ME1: variants seen among roughly 807,000 people sequenced by gnomAD.
ME1 encodes NADP-dependent malic enzyme.
In ME1, 74 loss-of-function variants were observed where a neutral mutation model predicts 66.4. That is an observed-to-expected ratio of 1.11 (90% CI 0.92 to 1.35). ME1 has a LOEUF of 1.35. Ranked by LOEUF, ME1 falls within the 40% of genes most tolerant of loss-of-function variation. The pLI is 0.00. For missense variants in ME1, 750 were observed against 694.1 expected (o/e 1.08, Z -0.90); for synonymous variants, 251 against 235.6 (o/e 1.07, Z -0.60).
intron 1 of ME1, among the ~76,000 whole-genome samples, chr6:83,410,159 C>T (rs567840227): frequency 3.3e-5 from 5 of 152,168 alleles, no homozygotes; most frequent in Admixed American, 3.3e-4. Context: ...CTGCTTTCTC[C>T]CTAGTGCTTA....
rs147705032 is a variant in ME1, at chr6:83,325,065, C to T, written c.601-9652G>A. Among the ~76,000 whole-genome samples, 247 of 152,228 alleles carry T rather than the reference C, an allele frequency of 1.6e-3. 4 individuals are homozygous for T. In the East Asian group the frequency reaches 0.032, roughly 20 times the overall value. On this transcript the variant is annotated intron_variant, in intron 5 of 13. Coordinates refer to ENST00000369705, the MANE Select transcript of ME1 (RefSeq NM_002395.6). The stretch of plus-strand genomic sequence containing the variant: ...GGATGCAAGGCTGGTTCAACATATG[C>T]GAATCAATAAATGTAATCCATCACA...
rs752751026 is a variant in ME1, at chr6:83,326,948, G to A, written c.601-11535C>T. 3.7e-4 allele frequency among the ~76,000 whole-genome samples: 56 copies of A among 152,178 alleles called. 1 individual carries two copies. Among genetic ancestry groups the A allele is most frequent in the Non-Finnish European group, 6.2e-4 (42 of 68,024 alleles). ...ACCCCAAACAGAGGGACCGGCTGAA[G>A]CCATGACAGAAGAACGTGGATTGTG... On this transcript the variant is annotated intron_variant, in intron 5 of 13. Transcript: ENST00000369705.
chr6:83,223,635 G>C (rs962375390), intron 12 of ME1, 125 bp downstream of exon 12: 2 of 883,794 alleles, frequency 2.3e-6, no homozygotes, highest in Admixed American at 5.4e-5. Context: ...CCACTGGGAA[G>C]TTCTTCAGAC....
At chr6:83,388,091 C>CT (rs57683304) in intron 3 of ME1, among the ~76,000 whole-genome samples, 3,059 of 133,342 alleles carry the variant, frequency 0.023, 156 homozygotes, top group African/African-American at 0.077. Flanking sequence ...TCCTTCCTTC[C>CT]TTTTTTTTTT....
chr6:83,400,770 T>C (rs953540483), intron 2 of ME1, among the ~76,000 whole-genome samples: 3 of 152,200 alleles, frequency 2.0e-5, no homozygotes, highest in African/African-American at 7.2e-5. Context: ...CCATTCATAG[T>C]ATAGCAGAAG....
At position 83,210,956 on chromosome 6, in the gene ME1, A is replaced by G. The variant is rs917975574; in HGVS notation, c.*968T>C. ...AAATTCAGGCAAAAGCAAGATGATTATAACACAGTTAGCTCTTCATTACCT... is the reference window on the plus strand; with the variant it reads ...AAATTCAGGCAAAAGCAAGATGATTGTAACACAGTTAGCTCTTCATTACCT... On this transcript the variant is annotated 3_prime_UTR_variant, in exon 14 of 14. Transcript: ENST00000369705. The G allele has an allele frequency of 1.3e-5, 2 of 152,240 alleles. No homozygotes were observed. The highest frequency in any genetic ancestry group is 4.8e-5 in the African/African-American group (2 of 41,468). The allele number at this position is 152,240 out of a possible 1,614,324, so 9.4% of individuals were successfully genotyped here.
At chr6:83,253,111 G>A (rs1461217763) in intron 7 of ME1, among the ~76,000 whole-genome samples, 1 of 152,054 alleles carries the variant, frequency 6.6e-6, no homozygotes, top group African/African-American at 2.4e-5. Context: ...CATGTGTATT[G>A]GGGGGTGGGC....
chr6:83,355,872 C>T (rs1768878702), intron 3 of ME1, among the ~76,000 whole-genome samples: 1 of 152,022 alleles, frequency 6.6e-6, no homozygotes, highest in South Asian at 2.1e-4. Context: ...TTCACCATCC[C>T]TGTTATTCTT....
chr6:83,346,113 T>G, intron 5 of ME1, 60 bp downstream of exon 5: 1 of 1,299,262 alleles, frequency 7.7e-7, no homozygotes, highest in Non-Finnish European at 1.0e-6. Context: ...AAGTTCAAAA[T>G]GCAAGAATTG....
At chr6:83,342,601 T>C (rs770366704) in intron 5 of ME1, among the ~76,000 whole-genome samples, 1 of 152,232 alleles carries the variant, frequency 6.6e-6, no homozygotes, top group Non-Finnish European at 1.5e-5. Context: ...TATATTTTTA[T>C]AGGGTACACG....
intron 7 of ME1, among the ~76,000 whole-genome samples, chr6:83,244,540 A>G (rs1790581829): frequency 1.3e-5 from 2 of 152,052 alleles, no homozygotes; most frequent in African/African-American, 2.4e-5. Context: ...AAATTCAGAG[A>G]ATAGTGGTGG....
At chr6:83,309,047 G>A (rs116464651) in intron 6 of ME1, among the ~76,000 whole-genome samples, 1 of 152,068 alleles carries the variant, frequency 6.6e-6, no homozygotes, top group South Asian at 2.1e-4. Flanking sequence ...AGTGGGCAAG[G>A]GGGGAAACTA....
intron 3 of ME1, among the ~76,000 whole-genome samples, chr6:83,355,713 C>T (rs867613285): frequency 6.6e-6 from 1 of 152,000 alleles, no homozygotes; most frequent in African/African-American, 2.4e-5. Context: ...TGTTTTGGCA[C>T]AGAAATGACT....
chr6:83,325,950 A>AAC (rs934391070), intron 5 of ME1, among the ~76,000 whole-genome samples: 2 of 148,362 alleles, frequency 1.3e-5, no homozygotes, highest in African/African-American at 5.0e-5. Flanking sequence ...GAAGCAAACA[A>AAC]AAAAAAAAAA....
chr6:83,301,752 A>G (rs558666086), intron 6 of ME1, among the ~76,000 whole-genome samples: 7 of 152,344 alleles, frequency 4.6e-5, no homozygotes, highest in Non-Finnish European at 8.8e-5. Context: ...TGAGATAACC[A>G]TCTCACACCA....
intron 9 of ME1, among the ~76,000 whole-genome samples, chr6:83,234,071 C>T (rs1583331383): frequency 6.6e-6 from 1 of 152,212 alleles, no homozygotes; most frequent in Non-Finnish European, 1.5e-5. Flanking sequence ...TAGATCTAGC[C>T]AACTACTTCA....
chr6:83,292,024 T>A (rs941950512), intron 6 of ME1, among the ~76,000 whole-genome samples: 1 of 152,116 alleles, frequency 6.6e-6, no homozygotes, highest in Non-Finnish European at 1.5e-5. Flanking sequence ...ATTCGTGTAA[T>A]ATTTTTTCAA....
chr6:83,275,988 T>A (rs757366256), intron 6 of ME1, among the ~76,000 whole-genome samples: 11 of 151,788 alleles, frequency 7.2e-5, no homozygotes, highest in Admixed American at 3.9e-4. Flanking sequence ...GCCAGGATGG[T>A]CGCGATCTTC....
chr6:83,316,682 C>CA (rs553203318), intron 5 of ME1, among the ~76,000 whole-genome samples: 5 of 150,146 alleles, frequency 3.3e-5, no homozygotes, highest in Admixed American at 6.6e-5. Context: ...AGAAATCTAC[C>CA]AAAAAAAATC....
Sources: allele counts gnomAD v4.1 joint callset (sites outside exome capture counted in the v4.1 genomes callset), GRCh38; gene constraint gnomAD v4.1.1; transcripts MANE v1.5; gene names NCBI Gene and HGNC (gene_info 2026-07-23, HGNC 2026-07-21).